The following ASIC2 variants were observed in gnomAD, a reference collection of about 807,000 sequenced individuals.
The protein encoded by ASIC2 is acid-sensing ion channel 2.
A neutral mutation model predicts 57.3 loss-of-function variants in ASIC2; 25 were observed. That is an observed-to-expected ratio of 0.44 (90% CI 0.32 to 0.61). The LOEUF is 0.61. ASIC2 is among the 20% of genes least tolerant of loss of function. The pLI is 0.06. For synonymous variants in ASIC2, 319 were observed against 307.5 expected, an observed-to-expected ratio of 1.04 and a Z score of -0.39; for missense variants, 641 against 738.1, an observed-to-expected ratio of 0.87 and a Z score of 1.52.
chr17:33,479,968 C>T lies in ASIC2; in HGVS notation c.556-367901G>A, dbSNP rs544833691. 1.3e-4 allele frequency among the ~76,000 whole-genome samples: 20 copies of T among 152,286 alleles called. No homozygotes were observed. The South Asian group carries it at 4.1e-3, about 32-fold the overall frequency. On this transcript the variant is annotated intron_variant, in intron 1 of 9. Coordinates refer to the ASIC2 transcript ENST00000359872. Reference sequence around the variant, plus strand: ...ATAATAGGGGTGATCCCCTGAGGCCCCTCCTTCCCATGGTGAACGCTTTGC... The same window carrying T: ...ATAATAGGGGTGATCCCCTGAGGCCTCTCCTTCCCATGGTGAACGCTTTGC...
intron 1 of ASIC2, among the ~76,000 whole-genome samples, chr17:33,122,013 G>A (rs1567752824): frequency 1.3e-5 from 2 of 152,218 alleles, no homozygotes; most frequent in Non-Finnish European, 2.9e-5. Context: ...AGTGAGCCAA[G>A]GCTGACTGTG....
chr17:33,425,082 A>G (rs1229761456), intron 1 of ASIC2, among the ~76,000 whole-genome samples: 1 of 152,246 alleles, frequency 6.6e-6, no homozygotes, highest in Non-Finnish European at 1.5e-5. Context: ...AATTATTATG[A>G]AGCCCAGTAT....
At chr17:33,087,781 A>T (rs1029334838) in intron 3 of ASIC2, among the ~76,000 whole-genome samples, 10 of 151,664 alleles carry the variant, frequency 6.6e-5, no homozygotes, top group African/African-American at 2.2e-4. Context: ...CTGGTCTTGA[A>T]TTTCTGGGCT....
intron 1 of ASIC2, among the ~76,000 whole-genome samples, chr17:33,853,628 C>T (rs1309941360): frequency 6.6e-6 from 1 of 152,194 alleles, no homozygotes; most frequent in Non-Finnish European, 1.5e-5. Context: ...CCCTCTGAGG[C>T]AAGCTGAAGG....
In ASIC2 at chr17:34,099,822, T is replaced by TTCC. The variant is rs1177227843; in HGVS notation, c.555+56153_555+56155dup. ...AGAAAGAAAAGAGAATCTCATAGTA[T>TTCC]TCCGAAGGCTGCAAATAGTTCATTG... On this transcript the variant is annotated intron_variant, in intron 1 of 9. Transcript: ENST00000359872. Among the ~76,000 whole-genome samples the TTCC allele has an allele frequency of 5.9e-5, 9 of 151,936 alleles. No individual in the cohort carries two copies. In the East Asian group the frequency reaches 1.4e-3, roughly 23 times the overall value.
Position 33,765,418 on chromosome 17 carries a change from A to G in ASIC2, c.555+390560T>C, listed in dbSNP as rs550151891. ...CCACCGCGCCCGGCGATGGAGCATAATTGTAAAATAACTTTCTTTTCCCCT... is the reference window on the plus strand; with the variant it reads ...CCACCGCGCCCGGCGATGGAGCATAGTTGTAAAATAACTTTCTTTTCCCCT... On this transcript the variant is annotated intron_variant, in intron 1 of 9. Coordinates refer to the ASIC2 transcript ENST00000359872. Among the ~76,000 whole-genome samples, 6 of 152,298 alleles carry G rather than the reference A, an allele frequency of 3.9e-5. No homozygotes were observed. The South Asian group carries it at 1.2e-3, about 32-fold the overall frequency.
intron 1 of ASIC2, among the ~76,000 whole-genome samples, chr17:33,626,594 A>G (rs1905991389): frequency 6.6e-6 from 1 of 152,170 alleles, no homozygotes; most frequent in South Asian, 2.1e-4. Context: ...AACACCATTG[A>G]TAACGGTGTC....
intron 1 of ASIC2, among the ~76,000 whole-genome samples, chr17:34,040,131 C>G (rs868517972): frequency 0.012 from 1,267 of 104,210 alleles, 256 homozygotes; most frequent in African/African-American, 0.075. Flanking sequence ...CGGCCCCGGG[C>G]CCGGGCGGCC....
At chr17:33,280,450 T>C (rs1223268915) in intron 1 of ASIC2, among the ~76,000 whole-genome samples, 1 of 152,130 alleles carries the variant, frequency 6.6e-6, no homozygotes, top group Admixed American at 6.5e-5. Context: ...CAGCTGGAGA[T>C]CCACACCAAG....
At chr17:34,075,493 C>T (rs1183600560) in intron 1 of ASIC2, among the ~76,000 whole-genome samples, 5 of 152,150 alleles carry the variant, frequency 3.3e-5, no homozygotes, top group Non-Finnish European at 7.3e-5. Context: ...CAGATTCCAA[C>T]ACATTAAATA....
intron 1 of ASIC2, among the ~76,000 whole-genome samples, chr17:33,961,797 G>A (rs1414845): frequency 0.51 from 77,383 of 151,960 alleles, 20,562 homozygotes; most frequent in African/African-American, 0.65. Context: ...CTTCAGGCAG[G>A]AAGGTGTCAA....
intron 1 of ASIC2, among the ~76,000 whole-genome samples, chr17:34,031,135 A>G (rs1044706638): frequency 5.9e-5 from 9 of 152,318 alleles, no homozygotes; most frequent in South Asian, 2.1e-4. Flanking sequence ...CTGACAATTC[A>G]CATGGCCGGG....
chr17:33,238,935 C>T (rs545224822), intron 1 of ASIC2, among the ~76,000 whole-genome samples: 10 of 151,964 alleles, frequency 6.6e-5, no homozygotes, highest in African/African-American at 1.5e-4. Context: ...ACCTGGGAGG[C>T]GGAGGTTGCA....
chr17:33,461,533 T>C (rs1912635571), intron 1 of ASIC2, among the ~76,000 whole-genome samples: 1 of 152,146 alleles, frequency 6.6e-6, no homozygotes, highest in Non-Finnish European at 1.5e-5. Flanking sequence ...AGATGGGAGC[T>C]GCCTGGCATG....
chr17:33,985,668 A>T (rs1905793401), intron 1 of ASIC2, among the ~76,000 whole-genome samples: 1 of 152,240 alleles, frequency 6.6e-6, no homozygotes, highest in Non-Finnish European at 1.5e-5. Context: ...AAACAAAAGG[A>T]GTTCCATGGT....
intron 1 of ASIC2, chr17:33,828,210 A>C (rs1028017747): frequency 1.3e-5 from 2 of 152,246 alleles, no homozygotes; most frequent in Non-Finnish European, 2.9e-5. Context: ...TTATACCCAA[A>C]GGATTATAAA....
chr17:33,665,504 G>A (rs1234986871), intron 1 of ASIC2, among the ~76,000 whole-genome samples: 1 of 152,166 alleles, frequency 6.6e-6, no homozygotes, highest in Non-Finnish European at 1.5e-5. Flanking sequence ...ACATATTGAG[G>A]CCAGATCTTG....
intron 1 of ASIC2, among the ~76,000 whole-genome samples, chr17:33,862,542 A>G (rs1914125442): frequency 6.6e-6 from 1 of 152,232 alleles, no homozygotes; most frequent in African/African-American, 2.4e-5. Context: ...ATAGATGAGA[A>G]AATGGGTGCA....
intron 1 of ASIC2, among the ~76,000 whole-genome samples, chr17:33,480,909 C>T (rs934663706): frequency 5.3e-5 from 8 of 152,220 alleles, no homozygotes; most frequent in African/African-American, 1.9e-4. Flanking sequence ...TCCTTTCCCT[C>T]CTGGTCCCTC....
Sources: gnomAD v4.1 joint callset for allele counts (sites outside exome capture counted in the v4.1 genomes callset) on GRCh38, gnomAD v4.1.1 for gene constraint, MANE v1.5 for transcripts, NCBI Gene and HGNC (gene_info 2026-07-23, HGNC 2026-07-21) for gene names.